PRIM2: variants seen among roughly 807,000 people sequenced by gnomAD.
The protein encoded by PRIM2 is DNA primase subunit 2, also known as DNA primase large subunit.
Under a neutral mutation model 67.3 loss-of-function variants are expected in PRIM2, and 39 were observed. The observed-to-expected ratio is 0.58, with a 90% CI of 0.45 to 0.76. The LOEUF is 0.76. Among genes scored for constraint, PRIM2 ranks in the 30% least tolerant of loss-of-function variants. The pLI is 0.00. For synonymous variants in PRIM2, 143 were observed against 198.7 expected (o/e 0.72, Z 2.36); for missense variants, 398 against 598.7 (o/e 0.66, Z 3.50).
At chr6:57,232,848 A>G in the PRIM2 span, among the ~76,000 whole-genome samples, 1 of 152,228 alleles carries the variant, frequency 6.6e-6, no homozygotes, top group Non-Finnish European at 1.5e-5. Flanking sequence ...GTGAGCACAC[A>G]GTTAAAACAA....
rs1438791668 is a variant in PRIM2 at position 57,557,332 on chromosome 6, G to A, written c.1020+19707G>A. The stretch of plus-strand genomic sequence containing the variant: ...CATATGCACGCGAATGTTCATTGCA[G>A]CACTATTCACAATAGCAAAGACATG... On this transcript the variant is annotated intron_variant, in intron 10 of 13. Coordinates refer to ENST00000615550, the MANE Select transcript of PRIM2 (RefSeq NM_000947.5). Among the ~76,000 whole-genome samples the A allele has an allele frequency of 1.8e-3, 268 of 151,840 alleles. 3 individuals are homozygous for A. The highest frequency in any genetic ancestry group is 6.1e-3 in the African/African-American group (252 of 41,358).
At chr6:57,590,709 A>G (rs1165445821) in intron 10 of PRIM2, among the ~76,000 whole-genome samples, 1 of 152,144 alleles carries the variant, frequency 6.6e-6, no homozygotes, top group Non-Finnish European at 1.5e-5. Flanking sequence ...GGGTGATGTA[A>G]AGAGGAATAC....
At chr6:57,357,811 G>C (rs571552026) in intron 5 of PRIM2, among the ~76,000 whole-genome samples, 6 of 152,120 alleles carry the variant, frequency 3.9e-5, no homozygotes, top group African/African-American at 1.4e-4. Context: ...GGTGAAGCTG[G>C]TATCGGATTC....
At chr6:57,525,712 C>G (rs1774736464) in intron 8 of PRIM2, among the ~76,000 whole-genome samples, 1 of 152,212 alleles carries the variant, frequency 6.6e-6, no homozygotes, top group Non-Finnish European at 1.5e-5. Context: ...ATGCTGCACA[C>G]ATTGCCTACC....
chr6:57,626,032 T>A (rs1776944168), intron 12 of PRIM2, among the ~76,000 whole-genome samples: 1 of 152,196 alleles, frequency 6.6e-6, no homozygotes, highest in Non-Finnish European at 1.5e-5. Flanking sequence ...AAGATTGAGT[T>A]TTTTAGGAAG....
chr6:57,394,413 A>T (rs1765395247), intron 7 of PRIM2, among the ~76,000 whole-genome samples: 1 of 151,420 alleles, frequency 6.6e-6, no homozygotes, highest in Admixed American at 6.6e-5. Flanking sequence ...ATTTTATTTT[A>T]TTTTTTTGCA....
the PRIM2 span, among the ~76,000 whole-genome samples, chr6:57,256,004 G>A: frequency 7.1e-6 from 1 of 140,530 alleles, no homozygotes; most frequent in Non-Finnish European, 1.5e-5. Flanking sequence ...AAGCAATTTA[G>A]ACACGCACAC....
chr6:57,282,275 C>T, the PRIM2 span, among the ~76,000 whole-genome samples: 2 of 152,198 alleles, frequency 1.3e-5, no homozygotes, highest in African/African-American at 4.8e-5. Flanking sequence ...TAGCACCTTA[C>T]TATCCGATGC....
At chr6:57,331,989 AG>A (rs1768071807) in intron 5 of PRIM2, among the ~76,000 whole-genome samples, 2 of 151,674 alleles carry the variant, frequency 1.3e-5, no homozygotes, top group Non-Finnish European at 2.9e-5. Context: ...GTAGGAGTTT[AG>A]GGTATTTATC....
upstream of PRIM2, among the ~76,000 whole-genome samples, chr6:57,316,726 T>TG (rs1767492595): frequency 6.6e-6 from 1 of 152,220 alleles, no homozygotes; most frequent in African/African-American, 2.4e-5. Context: ...CTCGAAAATC[T>TG]TACAGACAGC....
At chr6:57,372,226 A>G (rs1351615455) in intron 5 of PRIM2, among the ~76,000 whole-genome samples, 2 of 152,190 alleles carry the variant, frequency 1.3e-5, no homozygotes, top group Non-Finnish European at 1.5e-5. Flanking sequence ...TTTGTCTTCC[A>G]TTGCTTTTAA....
At chr6:57,287,062 C>T in the PRIM2 span, among the ~76,000 whole-genome samples, 6 of 152,196 alleles carry the variant, frequency 3.9e-5, no homozygotes, top group Non-Finnish European at 7.3e-5. Flanking sequence ...AATGAGATGC[C>T]ATCTCCTGCC....
chr6:57,339,667 A>G (rs1033666778), intron 5 of PRIM2, among the ~76,000 whole-genome samples: 1 of 152,208 alleles, frequency 6.6e-6, no homozygotes, highest in African/African-American at 2.4e-5. Context: ...AGAAAGCTGA[A>G]ACTGGATCCC....
chr6:57,537,288 A>C (rs1306545480), intron 9 of PRIM2, among the ~76,000 whole-genome samples, 152 bp from the exon 10 acceptor site: 1 of 152,178 alleles, frequency 6.6e-6, no homozygotes, highest in African/African-American at 2.4e-5. Context: ...TATACAGATA[A>C]GAGTCATCTG....
At chr6:57,516,154 G>C (rs1554348234) in intron 8 of PRIM2, among the ~76,000 whole-genome samples, 1 of 151,688 alleles carries the variant, frequency 6.6e-6, no homozygotes, top group Admixed American at 6.6e-5. Context: ...GCTTTTAAAG[G>C]CCCGTGCGAT....
intron 7 of PRIM2, among the ~76,000 whole-genome samples, chr6:57,418,383 GTTTTTTTTTTTT>G (rs34491627): frequency 0.032 from 1,530 of 47,326 alleles, 111 homozygotes; most frequent in African/African-American, 0.081. Flanking sequence ...TATGTGTGTG[GTTTTTTTTTTTT>G]TTTTTTTTTT....
At chr6:57,372,301 C>A (rs865841084) in intron 5 of PRIM2, among the ~76,000 whole-genome samples, 3 of 152,142 alleles carry the variant, frequency 2.0e-5, no homozygotes, top group African/African-American at 4.8e-5. Flanking sequence ...GACCACATGG[C>A]CTAGTGGACC....
chr6:57,640,951 A>G (rs1777221810), intron 13 of PRIM2, among the ~76,000 whole-genome samples: 2 of 151,648 alleles, frequency 1.3e-5, no homozygotes, highest in Non-Finnish European at 2.9e-5. Context: ...CAAAAAAAAA[A>G]CAACGCTAGA....
chr6:57,222,517 A>G, the PRIM2 span, among the ~76,000 whole-genome samples: 1 of 152,358 alleles, frequency 6.6e-6, no homozygotes, highest in East Asian at 1.9e-4. Context: ...AGTTTCGCCT[A>G]CAGAGTTATC....
Sources: gnomAD v4.1 joint callset for allele counts (sites outside exome capture counted in the v4.1 genomes callset) on GRCh38, gnomAD v4.1.1 for gene constraint, MANE v1.5 for transcripts, NCBI Gene and HGNC (gene_info 2026-07-23, HGNC 2026-07-21) for gene names.